Variants in LY75 observed in about 807,000 individuals in gnomAD.
LY75 encodes the protein lymphocyte antigen 75, also known as C-type lectin domain family 13 member B.
In LY75, 185 loss-of-function variants were observed where a neutral mutation model predicts 231.7. That is an observed-to-expected ratio of 0.80 (90% CI 0.71 to 0.90). LY75 has a LOEUF of 0.90. LY75 is among the 40% of genes least tolerant of loss of function. The probability of loss-of-function intolerance (pLI) is 0.00; values close to 1 mark genes in which losing one functional copy is unlikely to be tolerated. For missense variants in LY75, 1,947 were observed against 2,050.2 expected, an observed-to-expected ratio of 0.95 and a Z score of 0.97; for synonymous variants, 668 against 689.0, an observed-to-expected ratio of 0.97 and a Z score of 0.48.
Position 159,899,072 on chromosome 2 carries a change from G to T in LY75, c.95-13C>A. On this transcript the variant is annotated splice_polypyrimidine_tract_variant and intron_variant, in intron 1 of 34. Coordinates refer to ENST00000263636, the MANE Select transcript of LY75 (RefSeq NM_002349.4). ...AAGGGGTCATTAGCTGAGTCAAATG[G>T]ACAGACAGATTGTAGATTATGTGGT... 1 of 1,605,708 alleles carries T rather than the reference G, an allele frequency of 6.2e-7. No individual in the cohort carries two copies. Among genetic ancestry groups the T allele is most frequent in the South Asian group, 1.1e-5 (1 of 90,764 alleles).
intron 14 of LY75, among the ~76,000 whole-genome samples, chr2:159,861,657 G>A (rs1049179920): frequency 2.0e-5 from 3 of 152,182 alleles, no homozygotes; most frequent in African/African-American, 7.2e-5. Flanking sequence ...AGGATCAATT[G>A]AACCCAGGAG....
At chr2:159,828,454 A>C (rs1467631002) in intron 28 of LY75, among the ~76,000 whole-genome samples, 1 of 152,164 alleles carries the variant, frequency 6.6e-6, no homozygotes, top group African/African-American at 2.4e-5. Context: ...TCCCAGTGAG[A>C]TATCATTCCA....
At chr2:159,858,520 T>C in intron 15 of LY75, 44 bp from the exon 16 acceptor site, 2 of 1,577,368 alleles carry the variant, frequency 1.3e-6, no homozygotes, top group East Asian at 2.3e-5. Flanking sequence ...AGTTGATACA[T>C]CCCTTATGGA....
Position 159,842,330 on chromosome 2 carries a change from G to A in LY75, c.3195C>T (p.Asn1065=), listed in dbSNP as rs909623230. The A allele has an allele frequency of 1.2e-6, 2 of 1,612,572 alleles. No individual in the cohort carries two copies. Among genetic ancestry groups the A allele is most frequent in the African/African-American group, 2.7e-5 (2 of 74,776 alleles). Residue 1065 remains asparagine (N), a synonymous_variant, in exon 24 of 35, where the codon AAC becomes AAT. Transcript: ENST00000263636. ...TCCCAGTAAACGGTGATTTTTGGAGGTTGAGTATTAGGGCACAGTGGTAGC... is the reference window on the plus strand; with the variant it reads ...TCCCAGTAAACGGTGATTTTTGGAGATTGAGTATTAGGGCACAGTGGTAGC... The part of the protein sequence containing the change: ...ESRYHCALIL[N]LQKSPFTGTW...
chr2:159,876,634 A>C (rs1419978031), intron 11 of LY75, among the ~76,000 whole-genome samples: 1 of 152,138 alleles, frequency 6.6e-6, no homozygotes, highest in Non-Finnish European at 1.5e-5. Context: ...GGAAGTAGTC[A>C]TGGTAGCTAC....
chr2:159,837,407 C>A lies in LY75; in HGVS notation c.3508-1762G>T, dbSNP rs1022973029. Among the ~76,000 whole-genome samples the A allele has an allele frequency of 3.3e-5, 5 of 152,184 alleles. No homozygotes were observed. The East Asian group carries it at 7.7e-4, about 23-fold the overall frequency. On this transcript the variant is annotated intron_variant, in intron 25 of 34. Coordinates refer to ENST00000263636, the MANE Select transcript of LY75 (RefSeq NM_002349.4). ...TGCAGGAACAGAAGACCAAATACCA[C>A]ATGTTCTCACTTATATAAGTGGGAG...
At chr2:159,839,363 T>TA (rs950499215) in intron 25 of LY75, among the ~76,000 whole-genome samples, 4 of 152,222 alleles carry the variant, frequency 2.6e-5, no homozygotes, top group African/African-American at 9.6e-5. Context: ...TATTTAATTA[T>TA]AGCCAAAACT....
At chr2:159,819,447 C>T (rs577853413) in intron 29 of LY75, among the ~76,000 whole-genome samples, 2 of 151,978 alleles carry the variant, frequency 1.3e-5, no homozygotes, top group South Asian at 4.2e-4. Context: ...TCGGTTTTGA[C>T]TTCCCCACAA....
chr2:159,873,175 G>C (rs1000525034), intron 12 of LY75, among the ~76,000 whole-genome samples: 1 of 151,254 alleles, frequency 6.6e-6, no homozygotes, highest in African/African-American at 2.4e-5. Flanking sequence ...AAGAAAAAGA[G>C]GAGGAGGAGG....
At chr2:159,858,876 C>T (rs1684619215) in intron 15 of LY75, among the ~76,000 whole-genome samples, 2 of 152,206 alleles carry the variant, frequency 1.3e-5, no homozygotes, top group African/African-American at 4.8e-5. Context: ...TTTTGCCCTT[C>T]TCCACATGGT....
intron 8 of LY75, 106 bp downstream of exon 8, chr2:159,880,977 A>G (rs1685418205): frequency 1.4e-6 from 2 of 1,392,460 alleles, no homozygotes; most frequent in African/African-American, 2.9e-5. Flanking sequence ...GAGTGCTCTT[A>G]CCTTTTATTT....
chr2:159,863,870 C>T (rs1228670255), intron 14 of LY75, among the ~76,000 whole-genome samples: 1 of 152,122 alleles, frequency 6.6e-6, no homozygotes, highest in Admixed American at 6.5e-5. Context: ...GATGTGTTCC[C>T]ACGAGATTAT....
At chr2:159,832,653 A>G (rs1196226625) in intron 27 of LY75, among the ~76,000 whole-genome samples, 1 of 152,244 alleles carries the variant, frequency 6.6e-6, no homozygotes, top group Non-Finnish European at 1.5e-5. Flanking sequence ...AACAAAATTA[A>G]ACTAGTTTAT....
At chr2:159,852,122 T>G in intron 21 of LY75, 79 bp downstream of exon 21, 3 of 1,546,098 alleles carry the variant, frequency 1.9e-6, no homozygotes, top group Non-Finnish European at 2.6e-6. Flanking sequence ...TTGTCACTAA[T>G]GGGTTGCCAT....
At position 159,890,306 on chromosome 2, in the gene LY75, C is replaced by T. The variant is rs1360124168; in HGVS notation, c.709G>A (p.Ala237Thr). ...GSCYQFNTQT[A>T]LSWKEAYVSC... ...ACATAAGCTTCTTTCCAAGAAAGAG[C>T]CGTCTGAGTATTAAATTGGTAGCAA... Residue 237 changes from alanine (A) to threonine (T), a missense_variant, in exon 4 of 35, where the codon GCT becomes ACT. Transcript: ENST00000263636. 9 of 1,613,454 alleles carry T rather than the reference C, an allele frequency of 5.6e-6. No individual in the cohort carries two copies. Among genetic ancestry groups the T allele is most frequent in the Middle Eastern group, 3.3e-4 (2 of 6,056 alleles).
chr2:159,872,385 A>G lies in LY75; in HGVS notation c.2117+66T>C, dbSNP rs1158669267. The G allele has an allele frequency of 2.6e-6, 4 of 1,564,878 alleles. No homozygotes were observed. The African/African-American group carries it at 5.5e-5, about 21-fold the overall frequency. On this transcript the variant is annotated intron_variant, in intron 13 of 34. Transcript: ENST00000263636. The stretch of plus-strand genomic sequence containing the variant: ...TCCAACAGAGAGTGAGGGTAAGAAC[A>G]TGTCAATTTTGAATATCTAGAGGAC...
In LY75 at chr2:159,808,833, C is replaced by G. The variant is rs562854958; in HGVS notation, c.4700-262G>C. Among the ~76,000 whole-genome samples the G allele has an allele frequency of 3.9e-5, 6 of 152,200 alleles. 1 individual carries two copies. The highest frequency in any genetic ancestry group is 1.4e-4 in the African/African-American group (6 of 41,530). On this transcript the variant is annotated intron_variant, in intron 32 of 34. Coordinates refer to ENST00000263636, the MANE Select transcript of LY75 (RefSeq NM_002349.4). The stretch of plus-strand genomic sequence containing the variant: ...CAATATTTTTTTGGCCCTGGAACTG[C>G]CTACCCCTGAGACCTCTCTGACTGT...
chr2:159,881,972 T>C, intron 7 of LY75, 152 bp downstream of exon 7: 1 of 946,810 alleles, frequency 1.1e-6, no homozygotes, highest in Non-Finnish European at 1.5e-6. Flanking sequence ...CTAGACCAAT[T>C]GTAGAACAGT....
chr2:159,885,414 C>T, intron 5 of LY75, 121 bp from the exon 6 acceptor site: 1 of 1,291,710 alleles, frequency 7.7e-7, no homozygotes, highest in Non-Finnish European at 1.0e-6. Flanking sequence ...ATAGTTAAAA[C>T]TTAACTAAAT....
Sources: gnomAD v4.1 joint callset for allele counts (sites outside exome capture counted in the v4.1 genomes callset) on GRCh38, gnomAD v4.1.1 for gene constraint, MANE v1.5 for transcripts, NCBI Gene and HGNC (gene_info 2026-07-23, HGNC 2026-07-21) for gene names.